The following SLC9A9 variants were observed in gnomAD, a reference collection of about 807,000 sequenced individuals.
The protein encoded by SLC9A9 is solute carrier family 9 member A9.
In SLC9A9, 62 loss-of-function variants were observed where a neutral mutation model predicts 77.8. That is an observed-to-expected ratio of 0.80 (90% CI 0.65 to 0.98). The LOEUF (loss-of-function observed/expected upper bound fraction) is 0.98, where lower values mean the gene tolerates loss of function less well. SLC9A9 is among the 50% of genes least tolerant of loss of function. The pLI is 0.00. For synonymous variants in SLC9A9, 320 were observed against 283.5 expected (o/e 1.13, Z -1.29); for missense variants, 775 against 774.9 (o/e 1.00, Z 0.00).
chr3:143,828,509 G>A (rs889742713), intron 2 of SLC9A9, among the ~76,000 whole-genome samples: 24 of 151,984 alleles, frequency 1.6e-4, no homozygotes, highest in African/African-American at 5.3e-4. Context: ...TATAATTTCA[G>A]ATGATGTCAA....
chr3:143,425,557 G>T (rs1165340726), intron 12 of SLC9A9, among the ~76,000 whole-genome samples: 1 of 152,046 alleles, frequency 6.6e-6, no homozygotes, highest in Non-Finnish European at 1.5e-5. Context: ...TTCCTTTTCT[G>T]CTCCTTGGGT....
In SLC9A9 at chr3:143,299,735, G is replaced by A. The variant is rs116566044; in HGVS notation, c.1605-30755C>T. On this transcript the variant is annotated intron_variant, in intron 14 of 15. Coordinates refer to ENST00000316549, the MANE Select transcript of SLC9A9 (RefSeq NM_173653.4). ...TGGGATTACAGGCGTGAGCCACCAC[G>A]TCCTGCCACACATTTTTATTCCTTA... 8.9e-3 allele frequency among the ~76,000 whole-genome samples: 1,355 copies of A among 152,256 alleles called. 36 individuals carry two copies. Among genetic ancestry groups the A allele is most frequent in the African/African-American group, 0.031 (1,283 of 41,552 alleles).
At chr3:143,520,892 C>T (rs1401348987) in intron 9 of SLC9A9, among the ~76,000 whole-genome samples, 1 of 152,146 alleles carries the variant, frequency 6.6e-6, no homozygotes, top group African/African-American at 2.4e-5. Context: ...CTACGAAACA[C>T]CTGCTCATTT....
intron 4 of SLC9A9, among the ~76,000 whole-genome samples, chr3:143,780,964 A>G (rs1349147567): frequency 1.3e-5 from 2 of 152,244 alleles, no homozygotes; most frequent in Non-Finnish European, 2.9e-5. Context: ...AGAAAAATTA[A>G]GCAGAAAGTA....
chr3:143,695,270 T>C (rs1469909945), intron 4 of SLC9A9, among the ~76,000 whole-genome samples: 1 of 152,114 alleles, frequency 6.6e-6, no homozygotes, highest in Non-Finnish European at 1.5e-5. Flanking sequence ...CATGCCATGG[T>C]GGTTTGCTGC....
chr3:143,365,895 G>A (rs1269699134), intron 13 of SLC9A9, among the ~76,000 whole-genome samples: 1 of 152,150 alleles, frequency 6.6e-6, no homozygotes, highest in African/African-American at 2.4e-5. Context: ...AACTAGTTAT[G>A]AAAAGCTTGG....
chr3:143,742,774 T>C (rs1251425165), intron 4 of SLC9A9, among the ~76,000 whole-genome samples: 1 of 152,160 alleles, frequency 6.6e-6, no homozygotes, highest in Non-Finnish European at 1.5e-5. Flanking sequence ...TTATAACAAA[T>C]GTACAAAATT....
rs565061134 is a variant in SLC9A9, at chr3:143,530,461, C to T, written c.1089+21901G>A. On this transcript the variant is annotated intron_variant, in intron 9 of 15. Transcript: ENST00000316549. ...TTTGCCTTCTGCCATGATTGTGAGG[C>T]CTCCCTAGCCACGCAGAGCTGTGAG... 1.9e-4 allele frequency among the ~76,000 whole-genome samples: 29 copies of T among 152,256 alleles called. No homozygotes were observed. The South Asian group carries it at 5.4e-3, about 28-fold the overall frequency.
chr3:143,386,254 C>T (rs1386122851), intron 12 of SLC9A9, among the ~76,000 whole-genome samples: 8 of 152,222 alleles, frequency 5.3e-5, no homozygotes, highest in Non-Finnish European at 1.0e-4. Flanking sequence ...CTGGCTCACC[C>T]TTTGCTCACC....
At chr3:143,726,683 C>T (rs1934664126) in intron 4 of SLC9A9, among the ~76,000 whole-genome samples, 1 of 151,894 alleles carries the variant, frequency 6.6e-6, no homozygotes, top group Non-Finnish European at 1.5e-5. Context: ...CATTTTGTGG[C>T]CAGAGTTCTA....
intron 4 of SLC9A9, among the ~76,000 whole-genome samples, chr3:143,775,302 C>A (rs1033896186): frequency 7.9e-5 from 12 of 152,128 alleles, no homozygotes; most frequent in African/African-American, 2.4e-4. Flanking sequence ...GTAATTAATA[C>A]CTTACCTGGG....
At chr3:143,491,730 T>C (rs2035750479) in intron 11 of SLC9A9, among the ~76,000 whole-genome samples, 1 of 152,208 alleles carries the variant, frequency 6.6e-6, no homozygotes. Context: ...ATCTAAGGCC[T>C]TATATTTTTC....
At chr3:143,796,952 A>G in intron 2 of SLC9A9, 49 bp from the exon 3 acceptor site, 1 of 1,453,192 alleles carries the variant, frequency 6.9e-7, no homozygotes, top group Non-Finnish European at 9.6e-7. Flanking sequence ...CCTTTGGGTC[A>G]TTAAAAAAAC....
At chr3:143,707,945 C>A (rs995992529) in intron 4 of SLC9A9, among the ~76,000 whole-genome samples, 1 of 152,120 alleles carries the variant, frequency 6.6e-6, no homozygotes, top group South Asian at 2.1e-4. Flanking sequence ...CCTTCCTGGG[C>A]CTTCCTAGAA....
At chr3:143,832,256 A>G in intron 1 of SLC9A9, 35 bp from the exon 2 acceptor site, 1 of 1,567,542 alleles carries the variant, frequency 6.4e-7, no homozygotes, top group Non-Finnish European at 8.7e-7. Flanking sequence ...GTACTGGAGG[A>G]AGGCAATCTA....
Position 143,734,732 on chromosome 3 carries a change from CAAAA to C in SLC9A9, c.534-41429_534-41426del, listed in dbSNP as rs532314682. Among the ~76,000 whole-genome samples the C allele has an allele frequency of 4.7e-4, 31 of 66,160 alleles. No homozygotes were observed. The Middle Eastern group carries it at 0.027, about 57-fold the overall frequency. 43.4% of individuals were successfully genotyped at this position (66,160 alleles called of 152,430 possible). On this transcript the variant is annotated intron_variant, in intron 4 of 15. Coordinates refer to ENST00000316549, the MANE Select transcript of SLC9A9 (RefSeq NM_173653.4). ...CTGGCAACAGAGCAAGACTCCATCT[CAAAA>C]AAAAAAAAAAAAAAAAGATACGTAG...
At chr3:143,630,987 C>T (rs2038414432) in intron 6 of SLC9A9, among the ~76,000 whole-genome samples, 1 of 152,078 alleles carries the variant, frequency 6.6e-6, no homozygotes, top group Admixed American at 6.6e-5. Context: ...AGATTCATAT[C>T]AATTGCAAAT....
At chr3:143,426,409 C>T (rs1201643812) in intron 12 of SLC9A9, among the ~76,000 whole-genome samples, 2 of 152,158 alleles carry the variant, frequency 1.3e-5, no homozygotes, top group African/African-American at 2.4e-5. Context: ...TTTCTAGGCT[C>T]ATTTGGATTT....
At chr3:143,392,111 A>G (rs1211868396) in intron 12 of SLC9A9, among the ~76,000 whole-genome samples, 2 of 152,320 alleles carry the variant, frequency 1.3e-5, no homozygotes, top group African/African-American at 4.8e-5. Context: ...CGCCACAAAC[A>G]TACTCCTTGA....
Sources: gnomAD v4.1 joint callset for allele counts (sites outside exome capture counted in the v4.1 genomes callset) on GRCh38, gnomAD v4.1.1 for gene constraint, MANE v1.5 for transcripts, NCBI Gene and HGNC (gene_info 2026-07-23, HGNC 2026-07-21) for gene names.